NAIF1: variants seen among roughly 807,000 people sequenced by gnomAD.
NAIF1 encodes the protein nuclear apoptosis inducing factor 1, also known as nuclear apoptosis-inducing factor 1.
Under a neutral mutation model 20.7 loss-of-function variants are expected in NAIF1, and 14 were observed. The observed-to-expected ratio is 0.67, with a 90% CI of 0.45 to 1.05. NAIF1 has a LOEUF of 1.05. NAIF1 is among the 50% of genes least tolerant of loss of function. The pLI, the probability that NAIF1 is intolerant of heterozygous loss-of-function variation, is 0.00. For synonymous variants in NAIF1, 191 were observed against 191.4 expected (o/e 1.00, Z 0.02); for missense variants, 362 against 448.8 (o/e 0.81, Z 1.75).
intron 1 of NAIF1, 63 bp downstream of exon 1, chr9:128,066,528 C>A: frequency 1.4e-6 from 2 of 1,456,372 alleles, no homozygotes; most frequent in South Asian, 1.6e-5. Context: ...TTCCCCAGGC[C>A]ACCCCAGAGC....
At chr9:128,065,934 G>A (rs1334976008) in intron 1 of NAIF1, among the ~76,000 whole-genome samples, 2 of 151,954 alleles carry the variant, frequency 1.3e-5, no homozygotes, top group East Asian at 1.9e-4. Flanking sequence ...TTCCTCTTCC[G>A]GGGCCTGAGG....
rs769164451 is a variant in NAIF1 at position 128,063,444 on chromosome 9, T to C, written c.968A>G (p.Asp323Gly). The C allele has an allele frequency of 1.1e-5, 17 of 1,607,950 alleles. No homozygotes were observed. Among genetic ancestry groups the C allele is most frequent in the Non-Finnish European group, 1.3e-5 (15 of 1,179,702 alleles). Residue 323 changes from aspartate to glycine, a missense_variant, in exon 2 of 2, where the codon GAC becomes GGC. By Grantham distance (94) the Asp-to-Gly change is moderately conservative (BLOSUM62 -1). Transcript: ENST00000373078. The surrounding 1 kb of genome is among the most constrained non-coding windows in gnomAD (Gnocchi z 4.3). ...CCCCTGCCCTCACTGGATGATGCTGTCTGGCTGCCCATTCTGGGCCACCTG... is the reference window on the plus strand; with the variant it reads ...CCCCTGCCCTCACTGGATGATGCTGCCTGGCTGCCCATTCTGGGCCACCTG... ...PGQVAQNGQPDSIIQ is the reference protein window; with the variant it reads ...PGQVAQNGQPGSIIQ
rs1024231480 is a variant in NAIF1, at chr9:128,062,749, CAG to C, written c.*677_*678del. On this transcript the variant is annotated 3_prime_UTR_variant, in exon 2 of 2. Transcript: ENST00000373078. ...GCTGCCCAGAGATGCTGTTGAAAAC[CAG>C]AGAGTGGCCAAACCGTCCCCACCAT... The C allele has an allele frequency of 5.9e-5, 9 of 152,642 alleles. No individual in the cohort carries two copies. The highest frequency in any genetic ancestry group is 3.9e-4 in the East Asian group (2 of 5,178). The allele number at this position is 152,642 out of a possible 1,614,324, so 9.5% of individuals were successfully genotyped here. A position where few individuals can be genotyped will look rare whatever the true frequency, so the allele number is the denominator to read the frequency against.
rs1159240413 is a variant in NAIF1 at position 128,063,376 on chromosome 9, G to A, written c.*52C>T. Reference sequence around the variant, plus strand: ...GGCCAATCACAGGACCCACTTACAAGTCCATGGAGTTTTCATCCCATCATG... The same window carrying A: ...GGCCAATCACAGGACCCACTTACAAATCCATGGAGTTTTCATCCCATCATG... On this transcript the variant is annotated 3_prime_UTR_variant, in exon 2 of 2. Coordinates refer to ENST00000373078, the MANE Select transcript of NAIF1 (RefSeq NM_197956.4). The surrounding 1 kb of genome is among the most constrained non-coding windows in gnomAD (Gnocchi z 4.3). The A allele has an allele frequency of 6.6e-7, 1 of 1,525,380 alleles. No homozygotes were observed. The highest frequency in any genetic ancestry group is 8.9e-7 in the Non-Finnish European group (1 of 1,122,332). The allele number at this position is 1,525,380 out of a possible 1,614,324, so 94.5% of individuals were successfully genotyped here. A position where few individuals can be genotyped will look rare whatever the true frequency, so the allele number is the denominator to read the frequency against.
chr9:128,067,225 A>G lies in NAIF1; in HGVS notation c.-124T>C. 7.9e-7 allele frequency: 1 copy of G among 1,264,174 alleles called. No homozygotes were observed. The allele number at this position is 1,264,174 out of a possible 1,614,324, so 78.3% of individuals were successfully genotyped here. A position where few individuals can be genotyped will look rare whatever the true frequency, so the allele number is the denominator to read the frequency against. ...ACAGGGGATAGGCCAGGCTTGCTCG[A>G]GGCCAAGCACTAGGCCTTTGGTAAC... On this transcript the variant is annotated 5_prime_UTR_variant, in exon 1 of 2. Coordinates refer to ENST00000373078, the MANE Select transcript of NAIF1 (RefSeq NM_197956.4).
intron 1 of NAIF1, among the ~76,000 whole-genome samples, chr9:128,065,784 AGTTCT>A (rs1269360572): frequency 6.6e-6 from 1 of 152,182 alleles, no homozygotes; most frequent in African/African-American, 2.4e-5. Flanking sequence ...AACCAAAGTT[AGTTCT>A]GTTGTCATTC....
Position 128,066,949 on chromosome 9 carries a change from G to C in NAIF1, c.153C>G (p.Ile51Met). Residue 51 changes from isoleucine to methionine, a missense_variant, in exon 1 of 2, where the codon ATC becomes ATG. By Grantham distance (10) the Ile-to-Met change is conservative. This residue lies in a region of NAIF1 where 51 missense variants were observed against 68.7 expected (regional missense o/e 0.74). Transcript: ENST00000373078. ...TGGCCACGGCGTTGACCCTTCTCAG[G>C]ATGCCGTGCCAGGCCGCACTCTTGG... ...LAAKSAAWHGILRRVNAVATC... is the reference protein window; with the variant it reads ...LAAKSAAWHGMLRRVNAVATC... The C allele has an allele frequency of 6.2e-7, 1 of 1,612,954 alleles. No homozygotes were observed. The highest frequency in any genetic ancestry group is 1.3e-5 in the African/African-American group (1 of 75,040).
At position 128,063,907 on chromosome 9, in the gene NAIF1, A is replaced by C; in HGVS notation, c.512-7T>G. On this transcript the variant is annotated splice_region_variant and splice_polypyrimidine_tract_variant and intron_variant, in intron 1 of 1. Coordinates refer to ENST00000373078, the MANE Select transcript of NAIF1 (RefSeq NM_197956.4). The surrounding 1 kb of genome is among the most constrained non-coding windows in gnomAD (Gnocchi z 4.3). ...TAGGTGGTCTCTGTGGGGACTGCAC[A>C]GTAGAAAGAACAGAGGCCAAGGGAG... The C allele has an allele frequency of 6.3e-7, 1 of 1,599,540 alleles. No homozygotes were observed.
At position 128,066,855 on chromosome 9, in the gene NAIF1, C is replaced by A; in HGVS notation, c.247G>T (p.Val83Phe). The A allele has an allele frequency of 6.2e-7, 1 of 1,612,770 alleles. No individual in the cohort carries two copies. The highest frequency in any genetic ancestry group is 1.1e-5 in the South Asian group (1 of 91,090). ...TCCACGGCGGCCCGGACCTGGGCAACCTTGCGACGGACCTCGGTCTTGAGG... is the reference window on the plus strand; with the variant it reads ...TCCACGGCGGCCCGGACCTGGGCAAACTTGCGACGGACCTCGGTCTTGAGG... ...SDLKTEVRRK[V>F]AQVRAAVEGG... is the part of the protein sequence containing the mutation. The change falls in exon 1 of 2, where the codon GTT becomes TTT. Residue 83 changes from valine to phenylalanine, a missense_variant. By Grantham distance (50) the Val-to-Phe change is conservative (BLOSUM62 -1). Coordinates refer to ENST00000373078, the MANE Select transcript of NAIF1 (RefSeq NM_197956.4).
At chr9:128,066,159 C>A (rs532121321) in intron 1 of NAIF1, 46 of 166,198 alleles carry the variant, frequency 2.8e-4, no homozygotes, top group Non-Finnish European at 4.5e-4. Context: ...GATGAAAGAT[C>A]CCCCACACTG....
rs762924112 is a variant in NAIF1, at chr9:128,066,961, G to C, written c.141C>G (p.Ala47=). 3.1e-6 allele frequency: 5 copies of C among 1,613,210 alleles called. No homozygotes were observed. The highest frequency in any genetic ancestry group is 1.1e-5 in the South Asian group (1 of 91,084). The change falls in exon 1 of 2, where the codon GCC becomes GCG. Residue 47 remains alanine (A), a synonymous_variant. Transcript: ENST00000373078. ...AGVPLAAKSA[A]WHGILRRVNA... is the part of the protein sequence containing the mutation. ...TGACCCTTCTCAGGATGCCGTGCCAGGCCGCACTCTTGGCGGCCAGGGGTA... is the reference window on the plus strand; with the variant it reads ...TGACCCTTCTCAGGATGCCGTGCCACGCCGCACTCTTGGCGGCCAGGGGTA...
In NAIF1 at chr9:128,063,958, G is replaced by T; in HGVS notation, c.512-58C>A. 1 of 1,493,372 alleles carries T rather than the reference G, an allele frequency of 6.7e-7. No homozygotes were observed. The highest frequency in any genetic ancestry group is 1.2e-5 in the South Asian group (1 of 83,374). 92.5% of individuals were successfully genotyped at this position (1,493,372 alleles called of 1,614,324 possible). ...GTCACTTTCTGGAAGGAATAAAGCT[G>T]GCTGTATGGGGTGGGGAGGAGGCCA... On this transcript the variant is annotated intron_variant, in intron 1 of 1. Transcript: ENST00000373078. This position sits in a 1 kb window ranked among gnomAD's most constrained non-coding sequence, Gnocchi z 4.3.
rs543967005 is a variant in NAIF1, at chr9:128,062,428, C to T, written c.*1000G>A. On this transcript the variant is annotated 3_prime_UTR_variant, in exon 2 of 2. Coordinates refer to ENST00000373078, the MANE Select transcript of NAIF1 (RefSeq NM_197956.4). ...TGAGCGGTGTGGCAGGGGAAGAGTC[C>T]AGCATGTGATGCTCAGCAGGGCTTT... The T allele has an allele frequency of 6.9e-4, 105 of 152,530 alleles. No homozygotes were observed. Among genetic ancestry groups the T allele is most frequent in the South Asian group, 4.1e-3 (20 of 4,824 alleles). 9.4% of individuals were successfully genotyped at this position (152,530 alleles called of 1,614,324 possible).
chr9:128,064,712 G>C (rs1832758705), intron 1 of NAIF1, among the ~76,000 whole-genome samples: 1 of 151,912 alleles, frequency 6.6e-6, no homozygotes. Flanking sequence ...AGCTAAGAAA[G>C]GCACCCCCGG....
In NAIF1 at chr9:128,066,811, C is replaced by A. The variant is rs201723818; in HGVS notation, c.291G>T (p.Gly97=). ...RAAVEGGEAP[G]PTEEDGAGGP... is the part of the protein sequence containing the mutation. The stretch of plus-strand genomic sequence containing the variant: ...CCCCAGCTCCGTCCTCCTCAGTGGG[C>A]CCCGGCGCCTCACCACCCTCCACGG... Residue 97 remains glycine, a synonymous_variant, in exon 1 of 2, where the codon GGG becomes GGT. Coordinates refer to ENST00000373078, the MANE Select transcript of NAIF1 (RefSeq NM_197956.4). 1 of 1,610,768 alleles carries A rather than the reference C, an allele frequency of 6.2e-7. No individual in the cohort carries two copies. The highest frequency in any genetic ancestry group is 8.5e-7 in the Non-Finnish European group (1 of 1,178,626).
rs1186119396 is a variant in NAIF1, at chr9:128,062,394, A to G, written c.*1034T>C. The G allele has an allele frequency of 6.6e-6, 1 of 152,426 alleles. No homozygotes were observed. Among genetic ancestry groups the G allele is most frequent in the African/African-American group, 2.4e-5 (1 of 41,444 alleles). 9.4% of individuals were successfully genotyped at this position (152,426 alleles called of 1,614,324 possible). A position where few individuals can be genotyped will look rare whatever the true frequency, so the allele number is the denominator to read the frequency against. On this transcript the variant is annotated 3_prime_UTR_variant, in exon 2 of 2. Coordinates refer to ENST00000373078, the MANE Select transcript of NAIF1 (RefSeq NM_197956.4). ...TACTCAGAGGGAGTCTCAAGAGAAC[A>G]GAAGGCACTGAGCGGTGTGGCAGGG...
rs1832796595 is a variant in NAIF1, at chr9:128,067,226, G to T, written c.-125C>A. 2 of 1,238,314 alleles carry T rather than the reference G, an allele frequency of 1.6e-6. No homozygotes were observed. The highest frequency in any genetic ancestry group is 1.5e-5 in the African/African-American group (1 of 66,542). 76.7% of individuals were successfully genotyped at this position (1,238,314 alleles called of 1,614,324 possible). On this transcript the variant is annotated 5_prime_UTR_variant, in exon 1 of 2. Coordinates refer to ENST00000373078, the MANE Select transcript of NAIF1 (RefSeq NM_197956.4). The stretch of plus-strand genomic sequence containing the variant: ...CAGGGGATAGGCCAGGCTTGCTCGA[G>T]GCCAAGCACTAGGCCTTTGGTAACC...
chr9:128,062,651 T>A lies in NAIF1; in HGVS notation c.*777A>T, dbSNP rs1832733164. ...GTGGGGCAGCAAGCTTCCACACTAG[T>A]TGGCTTTCTCAAAAATTTACAGCAT... is the stretch of plus-strand genomic sequence containing the variant. On this transcript the variant is annotated 3_prime_UTR_variant, in exon 2 of 2. Coordinates refer to ENST00000373078, the MANE Select transcript of NAIF1 (RefSeq NM_197956.4). The A allele has an allele frequency of 6.6e-6, 1 of 152,236 alleles. No homozygotes were observed. The highest frequency in any genetic ancestry group is 1.9e-4 in the East Asian group (1 of 5,160). 9.4% of individuals were successfully genotyped at this position (152,236 alleles called of 1,614,324 possible). A position where few individuals can be genotyped will look rare whatever the true frequency, so the allele number is the denominator to read the frequency against.
rs757930678 is a variant in NAIF1 at position 128,063,779 on chromosome 9, C to T, written c.633G>A (p.Thr211=). ...PVDMMAQHAD[T]SVKPQALKSR... ...TCTTGAGCGCTTGCGGCTTGACCGA[C>T]GTGTCTGCATGCTGGGCCATCATGT... Residue 211 remains threonine, a synonymous_variant, in exon 2 of 2, where the codon ACG becomes ACA. Coordinates refer to ENST00000373078, the MANE Select transcript of NAIF1 (RefSeq NM_197956.4). This position sits in a 1 kb window ranked among gnomAD's most constrained non-coding sequence, Gnocchi z 4.3. 8.7e-6 allele frequency: 14 copies of T among 1,613,868 alleles called. No homozygotes were observed. The highest frequency in any genetic ancestry group is 2.7e-5 in the African/African-American group (2 of 74,934).
Sources: gnomAD v4.1 joint callset for allele counts (sites outside exome capture counted in the v4.1 genomes callset) on GRCh38, gnomAD v4.1.1 for gene constraint, gnomAD v4.1.1 regional missense constraint, Gnocchi (gnomAD v3.1) non-coding constraint, MANE v1.5 for transcripts, NCBI Gene and HGNC (gene_info 2026-07-23, HGNC 2026-07-21) for gene names.